The following CYP11A1 variants were observed in gnomAD, a reference collection of about 807,000 sequenced individuals.
The protein encoded by CYP11A1 is cholesterol side-chain cleavage enzyme, mitochondrial.
Under a neutral mutation model 51.9 loss-of-function variants are expected in CYP11A1, and 25 were observed. That is an observed-to-expected ratio of 0.48 (90% CI 0.35 to 0.67). CYP11A1 has a LOEUF of 0.67. CYP11A1 is among the 30% of genes least tolerant of loss of function. CYP11A1 has a pLI of 0.00. For synonymous variants in CYP11A1, 245 were observed against 262.1 expected (o/e 0.93, Z 0.63); for missense variants, 578 against 680.9 (o/e 0.85, Z 1.68).
chr15:74,339,785 G>A (rs2060598221), intron 5 of CYP11A1, 32 bp from the exon 6 acceptor site: 1 of 1,612,652 alleles, frequency 6.2e-7, no homozygotes, highest in African/African-American at 1.3e-5. Flanking sequence ...AGAAGACCAG[G>A]AGGGCCTGTC....
chr15:74,339,805 C>T, intron 5 of CYP11A1, 52 bp from the exon 6 acceptor site: 1 of 1,575,804 alleles, frequency 6.3e-7, no homozygotes, highest in Non-Finnish European at 8.7e-7. Context: ...CACTCCGGGG[C>T]CCCTTGAGGT....
At chr15:74,340,902 G>A (rs1341424981) in intron 5 of CYP11A1, among the ~76,000 whole-genome samples, 3 of 152,056 alleles carry the variant, frequency 2.0e-5, no homozygotes, top group Admixed American at 2.0e-4. Flanking sequence ...CACAGCCCCT[G>A]AAGCCCAGAA....
rs778881123 is a variant in CYP11A1, at chr15:74,337,978, C to G, written c.1560G>C (p.Gln520His). Residue 520 changes from glutamine (Q) to histidine (H), a missense_variant, in exon 9 of 9, where the codon CAG (glutamine) becomes CAC (histidine). Transcript: ENST00000268053. ...TFWPFNQEAT[Q>H]Q ...TGCAGGCCATCCTCTCTGATCACTG[C>G]TGGGTTGCTTCCTGGTTAAAGGGCC... 5 of 1,613,826 alleles carry G rather than the reference C, an allele frequency of 3.1e-6. No individual in the cohort carries two copies. The highest frequency in any genetic ancestry group is 4.2e-6 in the Non-Finnish European group (5 of 1,180,016).
intron 3 of CYP11A1, among the ~76,000 whole-genome samples, chr15:74,344,292 G>T (rs2141234706): frequency 6.6e-6 from 1 of 152,312 alleles, no homozygotes; most frequent in South Asian, 2.1e-4. Flanking sequence ...CAACTGCTCT[G>T]CCCAGGCTTC....
intron 3 of CYP11A1, 91 bp downstream of exon 3, chr15:74,344,953 G>T: frequency 2.5e-6 from 3 of 1,200,332 alleles, no homozygotes; most frequent in Non-Finnish European, 3.7e-6. Flanking sequence ...CAATGCCTCT[G>T]CAGGGTCTGT....
intron 1 of CYP11A1, chr15:74,361,732 T>A: frequency 7.9e-7 from 1 of 1,263,668 alleles, no homozygotes; most frequent in South Asian, 1.2e-5. Context: ...CCAGGATTTA[T>A]GTGTCAGGGT....
chr15:74,367,090 T>A (rs2060736747), intron 1 of CYP11A1: 1 of 591,610 alleles, frequency 1.7e-6, no homozygotes. Flanking sequence ...GTTTCAAAAG[T>A]AGATGTCTGG....
At chr15:74,355,985 G>A (rs1309963819) in intron 1 of CYP11A1, among the ~76,000 whole-genome samples, 3 of 152,104 alleles carry the variant, frequency 2.0e-5, no homozygotes, top group South Asian at 2.1e-4. Context: ...ATTAGAATCC[G>A]GCCCTCAAAC....
chr15:74,359,140 G>A (rs2060695291), intron 1 of CYP11A1, among the ~76,000 whole-genome samples: 1 of 152,076 alleles, frequency 6.6e-6, no homozygotes, highest in Non-Finnish European at 1.5e-5. Flanking sequence ...ATTGCATCCA[G>A]GCCATCACCA....
intron 1 of CYP11A1, among the ~76,000 whole-genome samples, chr15:74,360,666 G>A (rs1367106967): frequency 6.6e-6 from 1 of 151,462 alleles, no homozygotes; most frequent in Non-Finnish European, 1.5e-5. Flanking sequence ...ATTTGGGGAG[G>A]CCGAGGCAGG....
In CYP11A1 at chr15:74,352,264, CTTTTTTTTTTT is replaced by C. The variant is rs34304260; in HGVS notation, c.270-4220_270-4210del. 2.7e-4 allele frequency among the ~76,000 whole-genome samples: 23 copies of C among 86,082 alleles called. No individual in the cohort carries two copies. In the East Asian group the frequency reaches 6.6e-3, roughly 25 times the overall value. The allele number at this position is 86,082 out of a possible 152,430, so 56.5% of individuals were successfully genotyped here. A position where few individuals can be genotyped will look rare whatever the true frequency, so the allele number is the denominator to read the frequency against. On this transcript the variant is annotated intron_variant, in intron 1 of 8. Coordinates refer to ENST00000268053, the MANE Select transcript of CYP11A1 (RefSeq NM_000781.3). Reference sequence around the variant, plus strand: ...TGAATTTTATGTTTGTCTTTGCTATCTTTTTTTTTTTTTTTTTTTTTTTGAGACAGAGTCTC... The same window carrying C: ...TGAATTTTATGTTTGTCTTTGCTATCTTTTTTTTTTTTGAGACAGAGTCTC...
intron 1 of CYP11A1, among the ~76,000 whole-genome samples, chr15:74,348,802 G>A (rs540953774): frequency 5.9e-5 from 9 of 152,196 alleles, no homozygotes; most frequent in East Asian, 1.9e-4. Context: ...GTGTGATCAC[G>A]GCTCACTGCA....
chr15:74,339,788 G>A, intron 5 of CYP11A1, 35 bp from the exon 6 acceptor site: 1 of 1,611,338 alleles, frequency 6.2e-7, no homozygotes, highest in South Asian at 1.1e-5. Context: ...AGACCAGGAG[G>A]GCCTGTCACT....
At chr15:74,343,720 G>T in intron 4 of CYP11A1, 69 bp downstream of exon 4, 1 of 1,373,174 alleles carries the variant, frequency 7.3e-7, no homozygotes, top group South Asian at 1.2e-5. Context: ...CATTGACATA[G>T]CGTGGGACAA....
In CYP11A1 at chr15:74,357,759, T is replaced by A. The variant is rs181476887; in HGVS notation, c.269+9558A>T. Among the ~76,000 whole-genome samples, 194 of 152,344 alleles carry A rather than the reference T, an allele frequency of 1.3e-3. 2 individuals carry two copies. The highest frequency in any genetic ancestry group is 4.6e-3 in the African/African-American group (192 of 41,572). The stretch of plus-strand genomic sequence containing the variant: ...TATCCAAACAACTTGACCTTACTGT[T>A]TTAGCCTAGCCCTCATGTCTGTGTA... On this transcript the variant is annotated intron_variant, in intron 1 of 8. Coordinates refer to ENST00000268053, the MANE Select transcript of CYP11A1 (RefSeq NM_000781.3).
intron 4 of CYP11A1, among the ~76,000 whole-genome samples, chr15:74,343,425 CT>C (rs1395958731): frequency 3.3e-5 from 5 of 152,144 alleles, no homozygotes; most frequent in African/African-American, 9.7e-5. Flanking sequence ...TGGGATTTGA[CT>C]CTGCCATACC....
intron 1 of CYP11A1, among the ~76,000 whole-genome samples, chr15:74,349,773 T>C (rs1472469398): frequency 6.6e-6 from 1 of 152,090 alleles, no homozygotes; most frequent in Non-Finnish European, 1.5e-5. Context: ...TGAACTACTA[T>C]GCTGCCTTTT....
In CYP11A1 at chr15:74,367,352, A is replaced by T; in HGVS notation, c.234T>A (p.His78Gln). ...GGCCATACTTCTGGAAATTCTGGACATGGTGAAGGTGGACTTTGTGTGTGC... is the reference window on the plus strand; with the variant it reads ...GGCCATACTTCTGGAAATTCTGGACTTGGTGAAGGTGGACTTTGTGTGTGC... The part of the protein sequence containing the change: ...ETGTHKVHLH[H>Q]VQNFQKYGPI... The change falls in exon 1 of 9, where the codon CAT becomes CAA. Residue 78 changes from histidine (H) to glutamine (Q), a missense_variant. His to Gln is a conservative substitution (Grantham distance 24). Transcript: ENST00000268053. 3.1e-6 allele frequency: 5 copies of T among 1,614,114 alleles called. No homozygotes were observed. Among genetic ancestry groups the T allele is most frequent in the Non-Finnish European group, 4.2e-6 (5 of 1,180,014 alleles).
At chr15:74,349,517 T>G (rs1022967713) in intron 1 of CYP11A1, among the ~76,000 whole-genome samples, 5 of 152,158 alleles carry the variant, frequency 3.3e-5, no homozygotes, top group African/African-American at 1.2e-4. Flanking sequence ...TCAGTGTTTT[T>G]CCAGCTACCA....
Sources: allele counts gnomAD v4.1 joint callset (sites outside exome capture counted in the v4.1 genomes callset), GRCh38; gene constraint gnomAD v4.1.1; transcripts MANE v1.5; gene names NCBI Gene and HGNC (gene_info 2026-07-23, HGNC 2026-07-21).